CDIN1: variants seen among roughly 807,000 people sequenced by gnomAD.
CDIN1 encodes the protein CDAN1-interacting nuclease 1.
In CDIN1, 33 loss-of-function variants were observed where a neutral mutation model predicts 45.3. The ratio of observed to expected loss-of-function variants is 0.73; its 90% confidence interval spans 0.55 to 0.97. CDIN1 has a LOEUF of 0.97. Among genes scored for constraint, CDIN1 ranks in the 50% least tolerant of loss-of-function variants. The pLI is 0.00. For missense variants in CDIN1, 303 were observed against 339.4 expected (o/e 0.89, Z 0.84); for synonymous variants, 118 against 124.4 (o/e 0.95, Z 0.34).
chr15:36,742,824 C>T (rs932117253), intron 10 of CDIN1, among the ~76,000 whole-genome samples: 7 of 152,172 alleles, frequency 4.6e-5, no homozygotes, highest in Admixed American at 3.9e-4. Context: ...CCTCAAGCCT[C>T]AGTAAGCTCA....
chr15:36,643,052 A>G lies in CDIN1; in HGVS notation c.102-1226A>G, dbSNP rs974612993. Among the ~76,000 whole-genome samples, 3 of 152,160 alleles carry G rather than the reference A, an allele frequency of 2.0e-5. No individual in the cohort carries two copies. The East Asian group carries it at 5.8e-4, about 29-fold the overall frequency. On this transcript the variant is annotated intron_variant, in intron 1 of 10. Coordinates refer to ENST00000566621, the MANE Select transcript of CDIN1 (RefSeq NM_001321759.2). ...ATTTTATATAAAATTGGCTCTTTCAAAGGGGCTTTTCAGTTTTAAAGGGAA... is the reference window on the plus strand; with the variant it reads ...ATTTTATATAAAATTGGCTCTTTCAGAGGGGCTTTTCAGTTTTAAAGGGAA...
At chr15:36,709,336 G>A (rs1595502611) in intron 9 of CDIN1, 48 bp downstream of exon 9, 4 of 1,430,768 alleles carry the variant, frequency 2.8e-6, no homozygotes, top group Non-Finnish European at 3.8e-6. Context: ...GAAAAGGGAT[G>A]TATTTTTTAA....
chr15:36,788,733 T>A (rs982994594), intron 10 of CDIN1, among the ~76,000 whole-genome samples: 2 of 152,322 alleles, frequency 1.3e-5, no homozygotes, highest in South Asian at 2.1e-4. Flanking sequence ...TCATTTTTTT[T>A]ATTTCTGTTT....
In CDIN1 at chr15:36,709,917, C is replaced by T. The variant is rs1361022670; in HGVS notation, c.672C>T (p.Ser224=). Residue 224 remains serine, a synonymous_variant, in exon 10 of 11, where the codon AGC becomes AGT. Transcript: ENST00000566621. The part of the protein sequence containing the change: ...ESKASFGDEC[S]HHAYLHDQFW... ...AAGCCTCATTTGGTGATGAATGTAG[C>T]CACCACGCCTACCTGCATGACCAGT... The T allele has an allele frequency of 7.4e-6, 12 of 1,613,304 alleles. No individual in the cohort carries two copies. The highest frequency in any genetic ancestry group is 1.0e-5 in the Non-Finnish European group (12 of 1,179,430).
At chr15:36,632,867 G>T (rs1017695529) in intron 1 of CDIN1, among the ~76,000 whole-genome samples, 3 of 152,136 alleles carry the variant, frequency 2.0e-5, no homozygotes, top group Non-Finnish European at 4.4e-5. Flanking sequence ...GAGAAAAATG[G>T]CCAGAAGCCT....
intron 7 of CDIN1, among the ~76,000 whole-genome samples, chr15:36,697,004 A>G (rs2042453498): frequency 6.7e-6 from 1 of 150,132 alleles, no homozygotes; most frequent in Non-Finnish European, 1.5e-5. Flanking sequence ...ACACCCCTGT[A>G]GTCCCTGCTA....
At position 36,781,542 on chromosome 15, in the gene CDIN1, A is replaced by G. The variant is rs148819073; in HGVS notation, c.717-26782A>G. 6.4e-3 allele frequency among the ~76,000 whole-genome samples: 974 copies of G among 152,354 alleles called. 9 individuals carry two copies. Among genetic ancestry groups the G allele is most frequent in the African/African-American group, 0.022 (897 of 41,582 alleles). ...ACATCCAAAGAAACAATAGGTGTCC[A>G]TTCTGCATCTTGAGTCCATTCCTTT... On this transcript the variant is annotated intron_variant, in intron 10 of 10. Transcript: ENST00000566621.
At chr15:36,598,484 C>T (rs965904394) in intron 1 of CDIN1, among the ~76,000 whole-genome samples, 4 of 151,906 alleles carry the variant, frequency 2.6e-5, no homozygotes, top group African/African-American at 4.8e-5. Flanking sequence ...TTTGAAAAGC[C>T]CTATTGACCT....
chr15:36,626,337 A>G (rs1372616703), intron 1 of CDIN1, among the ~76,000 whole-genome samples: 4 of 151,946 alleles, frequency 2.6e-5, no homozygotes, highest in Non-Finnish European at 5.9e-5. Context: ...CCAGCAAACA[A>G]AGCCACAAAG....
chr15:36,809,184 C>T lies in CDIN1; in HGVS notation c.*731C>T. ...TTTATCTTATTTGAAAGTATTAGTTCCATTGTGCCTGGAAACCACACTCCT... is the reference window on the plus strand; with the variant it reads ...TTTATCTTATTTGAAAGTATTAGTTTCATTGTGCCTGGAAACCACACTCCT... On this transcript the variant is annotated 3_prime_UTR_variant, in exon 11 of 11. Coordinates refer to ENST00000566621, the MANE Select transcript of CDIN1 (RefSeq NM_001321759.2). 3.4e-6 allele frequency: 1 copy of T among 290,576 alleles called. No individual in the cohort carries two copies. The allele number at this position is 290,576 out of a possible 1,614,324, so 18.0% of individuals were successfully genotyped here.
chr15:36,652,265 TC>T (rs556250933), intron 3 of CDIN1, among the ~76,000 whole-genome samples: 2 of 152,376 alleles, frequency 1.3e-5, no homozygotes, highest in South Asian at 4.1e-4. Context: ...TGGTTTTTTT[TC>T]CTGCTGTTGC....
intron 10 of CDIN1, among the ~76,000 whole-genome samples, chr15:36,758,134 T>A (rs934787235): frequency 3.9e-5 from 6 of 152,110 alleles, no homozygotes; most frequent in African/African-American, 1.4e-4. Flanking sequence ...GGCTACTGTA[T>A]AATACTACTA....
intron 10 of CDIN1, among the ~76,000 whole-genome samples, chr15:36,715,989 A>G (rs1244149048): frequency 1.3e-5 from 2 of 152,196 alleles, no homozygotes; most frequent in African/African-American, 4.8e-5. Flanking sequence ...CATTGGTTTT[A>G]ACAAAACTGA....
chr15:36,753,753 T>A (rs1052631817), intron 10 of CDIN1, among the ~76,000 whole-genome samples: 3 of 152,068 alleles, frequency 2.0e-5, no homozygotes, highest in Non-Finnish European at 2.9e-5. Flanking sequence ...GTCTTTAAAA[T>A]AAAGCTGTTT....
intron 1 of CDIN1, among the ~76,000 whole-genome samples, chr15:36,586,840 A>G (rs2037325169): frequency 6.6e-6 from 1 of 152,270 alleles, no homozygotes; most frequent in Non-Finnish European, 1.5e-5. Flanking sequence ...GTCTGAGGAA[A>G]CTAGTGTAAG....
chr15:36,762,756 C>T (rs2053806287), intron 10 of CDIN1, among the ~76,000 whole-genome samples: 1 of 151,832 alleles, frequency 6.6e-6, no homozygotes, highest in Non-Finnish European at 1.5e-5. Context: ...GGATATTTGT[C>T]CCTGCGATAT....
In CDIN1 at chr15:36,808,741, G is replaced by A. The variant is rs1389585093; in HGVS notation, c.*288G>A. 2.0e-5 allele frequency: 9 copies of A among 454,472 alleles called. No homozygotes were observed. Among genetic ancestry groups the A allele is most frequent in the Non-Finnish European group, 3.3e-5 (8 of 242,888 alleles). 28.2% of individuals were successfully genotyped at this position (454,472 alleles called of 1,614,324 possible). The stretch of plus-strand genomic sequence containing the variant: ...GATAGTCATAATCTTTCTTTCTTCC[G>A]GATGGTTTATCCTTGTATGCTGAAC... On this transcript the variant is annotated 3_prime_UTR_variant, in exon 11 of 11. Coordinates refer to ENST00000566621, the MANE Select transcript of CDIN1 (RefSeq NM_001321759.2).
At chr15:36,648,187 A>G (rs1431782028) in intron 3 of CDIN1, among the ~76,000 whole-genome samples, 1 of 152,140 alleles carries the variant, frequency 6.6e-6, no homozygotes, top group African/African-American at 2.4e-5. Flanking sequence ...TGTGCCACTC[A>G]GAGATCTCTA....
In CDIN1 at chr15:36,788,983, T is replaced by C. The variant is rs1230059032; in HGVS notation, c.717-19341T>C. 2.6e-5 allele frequency among the ~76,000 whole-genome samples: 4 copies of C among 152,334 alleles called. No homozygotes were observed. The East Asian group carries it at 5.8e-4, about 22-fold the overall frequency. On this transcript the variant is annotated intron_variant, in intron 10 of 10. Transcript: ENST00000566621. ...ATTTTCTAGAAAGCATAAAGTACCA[T>C]ACAAGCATAAATTGGAAGAATTGTT...
Sources: gnomAD v4.1 joint callset for allele counts (sites outside exome capture counted in the v4.1 genomes callset) on GRCh38, gnomAD v4.1.1 for gene constraint, MANE v1.5 for transcripts, NCBI Gene and HGNC (gene_info 2026-07-23, HGNC 2026-07-21) for gene names.